SGCZ: variants seen among roughly 807,000 people sequenced by gnomAD.
SGCZ encodes zeta-sarcoglycan.
In SGCZ, 40 loss-of-function variants were observed where a neutral mutation model predicts 41.3. The ratio of observed to expected loss-of-function variants is 0.97; its 90% CI spans 0.75 to 1.26. SGCZ has a LOEUF of 1.26. SGCZ is among the 50% of genes most tolerant of loss of function. The pLI is 0.00. For synonymous variants in SGCZ, 206 were observed against 137.5 expected, an observed-to-expected ratio of 1.50 and a Z score of -3.49; for missense variants, 552 against 369.8, an observed-to-expected ratio of 1.49 and a Z score of -4.04.
chr8:14,469,425 C>G (rs970740975), intron 2 of SGCZ, among the ~76,000 whole-genome samples: 3 of 152,066 alleles, frequency 2.0e-5, no homozygotes, highest in African/African-American at 7.2e-5. Flanking sequence ...CCAGGAATCT[C>G]TCCTTCATAG....
intron 1 of SGCZ, among the ~76,000 whole-genome samples, chr8:14,865,114 G>T (rs936672613): frequency 1.3e-5 from 2 of 151,996 alleles, no homozygotes; most frequent in African/African-American, 4.8e-5. Context: ...ATGTGCAATA[G>T]TTCCTGCTAC....
intron 1 of SGCZ, among the ~76,000 whole-genome samples, chr8:14,971,306 T>C (rs762453499): frequency 2.2e-4 from 34 of 152,168 alleles, no homozygotes; most frequent in Non-Finnish European, 3.2e-4. Flanking sequence ...TCCAGTATAA[T>C]ACCGAATAGA....
At chr8:14,533,319 T>C (rs1381902785) in intron 2 of SGCZ, among the ~76,000 whole-genome samples, 2 of 150,744 alleles carry the variant, frequency 1.3e-5, no homozygotes, top group Non-Finnish European at 3.0e-5. Flanking sequence ...TTTACATTTT[T>C]GTATTAGCAA....
rs145222067 is a variant in SGCZ at position 15,118,513 on chromosome 8, A to G, written c.39+119072T>C. 3.1e-3 allele frequency among the ~76,000 whole-genome samples: 473 copies of G among 152,224 alleles called. 1 individual carries two copies. Among genetic ancestry groups the G allele is most frequent in the Middle Eastern group, 0.01 (3 of 294 alleles). On this transcript the variant is annotated intron_variant, in intron 1 of 7. Coordinates refer to ENST00000382080, the MANE Select transcript of SGCZ (RefSeq NM_139167.4). ...CACCTTCCAGTCATTTCTTTTCTCC[A>G]TCCTTCTAAGGAATGGGTTTATGTA...
chr8:14,430,302 T>A (rs1799907366), intron 2 of SGCZ, among the ~76,000 whole-genome samples: 1 of 152,158 alleles, frequency 6.6e-6, no homozygotes, highest in South Asian at 2.1e-4. Flanking sequence ...CTTAACAAAA[T>A]ACTAGCTTCC....
At chr8:15,234,394 C>A (rs1563199179) in intron 1 of SGCZ, among the ~76,000 whole-genome samples, 1 of 152,080 alleles carries the variant, frequency 6.6e-6, no homozygotes, top group Non-Finnish European at 1.5e-5. Context: ...AACACCAGGG[C>A]AAAATCCAGA....
At chr8:14,218,980 C>T (rs1352566053) in intron 4 of SGCZ, among the ~76,000 whole-genome samples, 1 of 152,204 alleles carries the variant, frequency 6.6e-6, no homozygotes, top group African/African-American at 2.4e-5. Flanking sequence ...GTTGACCGTT[C>T]TATGGTTGTT....
At chr8:14,237,506 A>G (rs73667115) in intron 4 of SGCZ, 86 bp downstream of exon 4, 38,206 of 1,101,556 alleles carry the variant, frequency 0.035, 831 homozygotes, top group African/African-American at 0.092. Context: ...CAACAACAAC[A>G]ACGACAACAA....
intron 2 of SGCZ, among the ~76,000 whole-genome samples, chr8:14,335,882 C>T (rs1048881335): frequency 1.3e-5 from 2 of 152,060 alleles, no homozygotes; most frequent in Non-Finnish European, 2.9e-5. Context: ...CATCTCTTTA[C>T]TCAATGTTAA....
intron 7 of SGCZ, among the ~76,000 whole-genome samples, chr8:14,102,148 C>A (rs975511643): frequency 6.7e-6 from 1 of 148,588 alleles, no homozygotes; most frequent in East Asian, 2.0e-4. Context: ...CCGTGTTAGC[C>A]AGGATGTTCT....
At chr8:14,549,852 G>A (rs1315542157) in intron 2 of SGCZ, among the ~76,000 whole-genome samples, 1 of 152,056 alleles carries the variant, frequency 6.6e-6, no homozygotes, top group African/African-American at 2.4e-5. Flanking sequence ...AAAGATAGGT[G>A]ATCAGATTTG....
At chr8:14,729,011 A>C (rs576656559) in intron 1 of SGCZ, among the ~76,000 whole-genome samples, 1 of 152,246 alleles carries the variant, frequency 6.6e-6, no homozygotes, top group African/African-American at 2.4e-5. Context: ...TTTTAAAATT[A>C]CTCTTTGTAA....
At chr8:14,795,067 G>A (rs1801080237) in intron 1 of SGCZ, among the ~76,000 whole-genome samples, 2 of 152,116 alleles carry the variant, frequency 1.3e-5, no homozygotes, top group African/African-American at 2.4e-5. Flanking sequence ...AATAAACCAA[G>A]CAAGAGTTCC....
intron 3 of SGCZ, among the ~76,000 whole-genome samples, chr8:14,321,732 G>C (rs1047225554): frequency 2.6e-5 from 4 of 151,906 alleles, no homozygotes; most frequent in Non-Finnish European, 5.9e-5. Context: ...TTTTCTAATA[G>C]ATTTCCTTAC....
intron 1 of SGCZ, among the ~76,000 whole-genome samples, chr8:14,861,686 C>A (rs1278394222): frequency 6.6e-6 from 1 of 151,900 alleles, no homozygotes; most frequent in African/African-American, 2.4e-5. Flanking sequence ...GCAATTTTCT[C>A]CTGCTTGAAC....
intron 3 of SGCZ, among the ~76,000 whole-genome samples, chr8:14,263,332 T>A (rs1799741193): frequency 6.6e-6 from 1 of 152,064 alleles, no homozygotes; most frequent in Admixed American, 6.5e-5. Flanking sequence ...GCGGATCACT[T>A]GAGGCCAGGA....
intron 1 of SGCZ, among the ~76,000 whole-genome samples, chr8:14,681,296 A>T (rs1808438606): frequency 6.6e-6 from 1 of 152,200 alleles, no homozygotes; most frequent in African/African-American, 2.4e-5. Flanking sequence ...ATAATCAGGA[A>T]CAATGCAAGC....
chr8:14,994,403 G>A (rs766989457), intron 1 of SGCZ, among the ~76,000 whole-genome samples: 17 of 152,080 alleles, frequency 1.1e-4, no homozygotes, highest in South Asian at 4.1e-4. Context: ...GGACAACACG[G>A]TGAAACCCTG....
chr8:15,003,220 CAG>C (rs1417940820), intron 1 of SGCZ, among the ~76,000 whole-genome samples: 1 of 152,012 alleles, frequency 6.6e-6, no homozygotes, highest in African/African-American at 2.4e-5. Flanking sequence ...AAATGGAGAG[CAG>C]AGAGTTTATA....
Sources: gnomAD v4.1 joint callset for allele counts (sites outside exome capture counted in the v4.1 genomes callset) on GRCh38, gnomAD v4.1.1 for gene constraint, MANE v1.5 for transcripts, NCBI Gene and HGNC (gene_info 2026-07-23, HGNC 2026-07-21) for gene names.